The following DNAH14 variants were observed in gnomAD, a reference collection of about 807,000 sequenced individuals.
DNAH14 encodes axonemal beta dynein heavy chain 14.
DNAH14 carries 478 observed loss-of-function variants against 520.9 expected under a neutral mutation model. The ratio of observed to expected loss-of-function variants is 0.92; its 90% CI spans 0.85 to 0.99. The LOEUF (loss-of-function observed/expected upper bound fraction) is 0.99, where lower values mean the gene tolerates loss of function less well. Ranked by LOEUF, DNAH14 falls within the 50% of genes least tolerant of loss-of-function variation. The pLI is 0.00. For synonymous variants in DNAH14, 1,581 were observed against 1,757.2 expected (o/e 0.90, Z 2.51); for missense variants, 4,831 against 5,234.5 (o/e 0.92, Z 2.38).
At chr1:225,112,742 G>A (rs1359463811) in intron 23 of DNAH14, among the ~76,000 whole-genome samples, 1 of 151,360 alleles carries the variant, frequency 6.6e-6, no homozygotes, top group East Asian at 1.9e-4. Context: ...TCTCTCTTCT[G>A]CTTGATCAAT....
In DNAH14 at chr1:225,238,990, G is replaced by A. The variant is rs372490062; in HGVS notation, c.6519-1603G>A. ...AGAGCCAGCAGGCTGGAACAACTGA[G>A]TCAACCAAGAGATGGAAGCTGCCCT... is the stretch of plus-strand genomic sequence containing the variant. On this transcript the variant is annotated intron_variant, in intron 42 of 85. Transcript: ENST00000682510. 5.9e-5 allele frequency among the ~76,000 whole-genome samples: 9 copies of A among 152,308 alleles called. No individual in the cohort carries two copies. The East Asian group carries it at 1.2e-3, about 20-fold the overall frequency.
intron 38 of DNAH14, among the ~76,000 whole-genome samples, chr1:225,201,270 T>C (rs918089372): frequency 1.3e-5 from 2 of 152,090 alleles, no homozygotes; most frequent in Non-Finnish European, 2.9e-5. Context: ...CCTCATTTCT[T>C]GTGTTATTTT....
At chr1:224,933,852 C>A (rs144812263) in intron 1 of DNAH14, among the ~76,000 whole-genome samples, 1 of 152,052 alleles carries the variant, frequency 6.6e-6, no homozygotes, top group Non-Finnish European at 1.5e-5. Flanking sequence ...AGTTTTGCGT[C>A]TATGTTCATG....
intron 36 of DNAH14, among the ~76,000 whole-genome samples, chr1:225,175,280 A>G (rs1041973420): frequency 6.6e-6 from 1 of 152,204 alleles, no homozygotes; most frequent in South Asian, 2.1e-4. Flanking sequence ...CAGTGAAGCC[A>G]TCACATCCTG....
At chr1:225,329,351 C>T (rs1169079266) in intron 64 of DNAH14, among the ~76,000 whole-genome samples, 1 of 152,030 alleles carries the variant, frequency 6.6e-6, no homozygotes, top group African/African-American at 2.4e-5. Flanking sequence ...AGGAATAAAC[C>T]AATTTGGATA....
At chr1:225,135,297 G>T (rs1413143365) in intron 27 of DNAH14, among the ~76,000 whole-genome samples, 1 of 152,030 alleles carries the variant, frequency 6.6e-6, no homozygotes, top group South Asian at 2.1e-4. Context: ...ATTTAGTGCT[G>T]TAAATTTCCC....
At chr1:225,205,911 A>G in intron 39 of DNAH14, 60 bp from the exon 40 acceptor site, 1 of 1,369,584 alleles carries the variant, frequency 7.3e-7, no homozygotes, top group Admixed American at 2.2e-5. Context: ...AATTAGCAAG[A>G]TTGTAATGAA....
chr1:225,090,265 T>C (rs2074261940), intron 21 of DNAH14, among the ~76,000 whole-genome samples: 1 of 152,120 alleles, frequency 6.6e-6, no homozygotes, highest in Non-Finnish European at 1.5e-5. Flanking sequence ...AAATGGAAGA[T>C]ACATTGTGTT....
chr1:224,960,872 C>T (rs2060802184), intron 4 of DNAH14, among the ~76,000 whole-genome samples: 1 of 152,138 alleles, frequency 6.6e-6, no homozygotes, highest in East Asian at 1.9e-4. Context: ...CTCACACAGG[C>T]TTCATCCCTT....
chr1:225,080,570 T>C lies in DNAH14; in HGVS notation c.2958T>C (p.Leu986=). 6.4e-7 allele frequency: 1 copy of C among 1,552,066 alleles called. No homozygotes were observed. Among genetic ancestry groups the C allele is most frequent in the Admixed American group, 2.0e-5 (1 of 51,004 alleles). The change falls in exon 19 of 86, where the codon CTT becomes CTC. Residue 986 remains leucine (L), a synonymous_variant. Transcript: ENST00000682510. ...TGGAAGAAATTACACAGATTGTGCTTTCAGAGATCTCTGACATTGAAGGTG... is the reference window on the plus strand; with the variant it reads ...TGGAAGAAATTACACAGATTGTGCTCTCAGAGATCTCTGACATTGAAGGTG... ...VNVEEITQIV[L]SEISDIEGDL...
intron 11 of DNAH14, among the ~76,000 whole-genome samples, chr1:225,029,001 A>G (rs1444623398): frequency 2.6e-5 from 4 of 152,212 alleles, no homozygotes; most frequent in Middle Eastern, 6.8e-3. Flanking sequence ...CCATATGTAA[A>G]TATTTATAAT....
At chr1:225,159,762 G>A (rs2081359914) in intron 35 of DNAH14, among the ~76,000 whole-genome samples, 2 of 152,132 alleles carry the variant, frequency 1.3e-5, no homozygotes, top group African/African-American at 2.4e-5. Flanking sequence ...TTGAAATGAG[G>A]ATAATAGTGT....
rs182255086 is a variant in DNAH14 at position 225,250,635 on chromosome 1, A to G, written c.6749-1666A>G. 8 of 522,908 alleles carry G rather than the reference A, an allele frequency of 1.5e-5. No homozygotes were observed. In the Admixed American group the frequency reaches 2.5e-4, roughly 17 times the overall value. 32.4% of individuals were successfully genotyped at this position (522,908 alleles called of 1,614,324 possible). On this transcript the variant is annotated intron_variant, in intron 43 of 85. Coordinates refer to ENST00000682510, the MANE Select transcript of DNAH14 (RefSeq NM_001367479.1). ...TCACAGGTTCCTGAAGAGAAAGAAC[A>G]TGACACATTGGGCCACTCAGGATGG...
At chr1:225,224,304 G>A (rs56107523) in intron 41 of DNAH14, among the ~76,000 whole-genome samples, 16,039 of 150,242 alleles carry the variant, frequency 0.11, 1,328 homozygotes, top group East Asian at 0.23. Context: ...GCATAGACCC[G>A]CAATATTCAG....
intron 55 of DNAH14, among the ~76,000 whole-genome samples, chr1:225,300,066 G>GAAGAGTT (rs1462135508): frequency 6.6e-6 from 1 of 152,074 alleles, no homozygotes. Flanking sequence ...AACTCTTCTG[G>GAAGAGTT]AAGAGTTTGT....
At position 225,240,753 on chromosome 1, in the gene DNAH14, T is replaced by G; in HGVS notation, c.6679T>G (p.Ser2227Ala). ...IPFCPSLEPD[S>A]LAKVTYDFDK... ...ATTTTGTCCCAGTCTTGAACCTGAT[T>G]CTCTTGCAAAAGTAACATACGATTT... is the stretch of plus-strand genomic sequence containing the variant. Residue 2227 changes from serine (S) to alanine (A), a missense_variant, in exon 43 of 86, where the codon TCT becomes GCT. Physicochemically the swap from Ser to Ala is moderately conservative, Grantham distance 99. Transcript: ENST00000682510. 6.4e-7 allele frequency: 1 copy of G among 1,550,552 alleles called. No homozygotes were observed. Among genetic ancestry groups the G allele is most frequent in the South Asian group, 1.2e-5 (1 of 83,952 alleles).
At chr1:225,093,101 T>A (rs1237534712) in intron 21 of DNAH14, among the ~76,000 whole-genome samples, 2 of 152,096 alleles carry the variant, frequency 1.3e-5, no homozygotes, top group African/African-American at 4.8e-5. Context: ...CCTACTGAAA[T>A]GATTCCAAAA....
intron 1 of DNAH14, among the ~76,000 whole-genome samples, chr1:224,938,023 A>G (rs527452326): frequency 6.6e-6 from 1 of 152,284 alleles, no homozygotes; most frequent in South Asian, 2.1e-4. Flanking sequence ...CTGGACCCCT[A>G]TCTCTCACCA....
intron 40 of DNAH14, 110 bp from the exon 41 acceptor site, chr1:225,206,858 A>T (rs1370480297): frequency 1.0e-6 from 1 of 967,254 alleles, no homozygotes; most frequent in Admixed American, 3.5e-5. Flanking sequence ...TGACAATTCT[A>T]AGTCATATTT....
Sources: allele counts gnomAD v4.1 joint callset (sites outside exome capture counted in the v4.1 genomes callset), GRCh38; gene constraint gnomAD v4.1.1; transcripts MANE v1.5; gene names NCBI Gene and HGNC (gene_info 2026-07-23, HGNC 2026-07-21).